The following GPR39 variants were observed in gnomAD, a reference collection of about 807,000 sequenced individuals.
The protein encoded by GPR39 is G protein-coupled receptor 39.
Under a neutral mutation model 18.4 loss-of-function variants are expected in GPR39, and 23 were observed. That is an observed-to-expected ratio of 1.25 (90% CI 0.90 to 1.77). The LOEUF is 1.77. Among genes scored for constraint, GPR39 ranks in the 40% most tolerant of loss-of-function variants. The pLI, the probability that GPR39 is intolerant of heterozygous loss-of-function variation, is 0.00. For missense variants in GPR39, 647 were observed against 602.4 expected, an observed-to-expected ratio of 1.07 and a Z score of -0.78; for synonymous variants, 280 against 257.9, an observed-to-expected ratio of 1.09 and a Z score of -0.82.
At chr2:132,528,520 C>T (rs902173726) in intron 1 of GPR39, among the ~76,000 whole-genome samples, 1 of 152,174 alleles carries the variant, frequency 6.6e-6, no homozygotes, top group South Asian at 2.1e-4. Context: ...TTACTTTGGG[C>T]AATATGGCCA....
chr2:132,523,726 TG>T (rs1280529902), intron 1 of GPR39: 1 of 152,354 alleles, frequency 6.6e-6, no homozygotes, highest in Non-Finnish European at 1.5e-5. Context: ...CTGCTCCATG[TG>T]CATCCCTCCT....
In GPR39 at chr2:132,417,707, C is replaced by A. The variant is rs1450219214; in HGVS notation, c.665C>A (p.Ser222Tyr). 2 of 1,614,084 alleles carry A rather than the reference C, an allele frequency of 1.2e-6. No individual in the cohort carries two copies. The highest frequency in any genetic ancestry group is 2.2e-5 in the East Asian group (1 of 44,886). Residue 222 changes from serine to tyrosine, a missense_variant, in exon 1 of 2, where the codon TCC (serine) becomes TAC (tyrosine). Around this residue, in one of 3 missense-constraint regions of GPR39, gnomAD observed 581 missense variants for 506.8 expected, o/e 1.15. Coordinates refer to ENST00000329321, the MANE Select transcript of GPR39 (RefSeq NM_001508.3). The stretch of plus-strand genomic sequence containing the variant: ...TCCAGCCGCTGGACCGTGTTCCAGT[C>A]CAGCATCTTCGGCGCCTTCGTGGTC... ...NLSSRWTVFQ[S>Y]SIFGAFVVYL... is the part of the protein sequence containing the mutation.
chr2:132,437,550 G>C (rs1333587900), intron 1 of GPR39, among the ~76,000 whole-genome samples: 4 of 152,148 alleles, frequency 2.6e-5, no homozygotes, highest in Non-Finnish European at 5.9e-5. Flanking sequence ...CCTGTGGGTT[G>C]GCGGGCAGAG....
intron 1 of GPR39, among the ~76,000 whole-genome samples, chr2:132,489,284 A>G (rs1322989367): frequency 6.6e-6 from 1 of 151,922 alleles, no homozygotes; most frequent in African/African-American, 2.4e-5. Context: ...CCTTTTCCCC[A>G]TTGGCAGGCG....
intron 1 of GPR39, among the ~76,000 whole-genome samples, chr2:132,556,274 A>G (rs1680150683): frequency 6.6e-6 from 1 of 152,186 alleles, no homozygotes; most frequent in Non-Finnish European, 1.5e-5. Context: ...TGGACAGCCT[A>G]AGTAGTGGTA....
At chr2:132,500,245 A>G in intron 1 of GPR39, among the ~76,000 whole-genome samples, 1 of 152,074 alleles carries the variant, frequency 6.6e-6, no homozygotes, top group Admixed American at 6.5e-5. Context: ...TTATTACCTT[A>G]AGGTATGTCC....
chr2:132,645,766 C>A lies in GPR39; in HGVS notation c.*160C>A, dbSNP rs545684836. On this transcript the variant is annotated 3_prime_UTR_variant, in exon 2 of 2. Transcript: ENST00000329321. Reference sequence around the variant, plus strand: ...CACCTCAGTGACTTCTAAGGACTGACTCTGCCAGCCTGGCCTTGACTCCGG... The same window carrying A: ...CACCTCAGTGACTTCTAAGGACTGAATCTGCCAGCCTGGCCTTGACTCCGG... The A allele has an allele frequency of 1.3e-3, 1,300 of 1,031,802 alleles. No homozygotes were observed. Among genetic ancestry groups the A allele is most frequent in the Non-Finnish European group, 1.6e-3 (1,178 of 729,160 alleles). 63.9% of individuals were successfully genotyped at this position (1,031,802 alleles called of 1,614,324 possible). A position where few individuals can be genotyped will look rare whatever the true frequency, so the allele number is the denominator to read the frequency against.
chr2:132,574,697 T>C (rs1680500617), intron 1 of GPR39, among the ~76,000 whole-genome samples: 1 of 152,216 alleles, frequency 6.6e-6, no homozygotes, highest in African/African-American at 2.4e-5. Context: ...ATCTTGCCAC[T>C]GCACTCTAGT....
intron 1 of GPR39, among the ~76,000 whole-genome samples, chr2:132,636,333 G>A (rs1681755670): frequency 6.6e-6 from 1 of 152,284 alleles, no homozygotes; most frequent in South Asian, 2.1e-4. Context: ...GCCAGGCCCT[G>A]GCTAGCCACT....
chr2:132,548,194 C>G (rs1679982723), intron 1 of GPR39, among the ~76,000 whole-genome samples: 1 of 152,324 alleles, frequency 6.6e-6, no homozygotes, highest in Non-Finnish European at 1.5e-5. Context: ...ATCATGTCTC[C>G]TTTTCAGCTG....
chr2:132,585,778 G>T (rs189650961), intron 1 of GPR39, among the ~76,000 whole-genome samples: 3 of 152,130 alleles, frequency 2.0e-5, no homozygotes, highest in Admixed American at 6.5e-5. Flanking sequence ...TGCCGCTTCA[G>T]ATTTGGAAAC....
intron 1 of GPR39, among the ~76,000 whole-genome samples, chr2:132,556,691 G>A (rs1386175539): frequency 6.6e-6 from 1 of 152,134 alleles, no homozygotes; most frequent in East Asian, 1.9e-4. Flanking sequence ...CATCTAAAAT[G>A]GACTTTTCAA....
intron 1 of GPR39, among the ~76,000 whole-genome samples, chr2:132,513,292 G>A (rs1157470399): frequency 1.6e-5 from 1 of 60,988 alleles, no homozygotes; most frequent in African/African-American, 4.4e-5. Context: ...TCTGCACCCC[G>A]TCTCTACTAA....
chr2:132,532,745 C>T (rs1463807382), intron 1 of GPR39, among the ~76,000 whole-genome samples: 2 of 152,158 alleles, frequency 1.3e-5, no homozygotes, highest in Non-Finnish European at 2.9e-5. Flanking sequence ...AGACAAAAAA[C>T]ACTTGATTAT....
intron 1 of GPR39, among the ~76,000 whole-genome samples, chr2:132,614,177 C>CTTT (rs113026250): frequency 0.16 from 23,808 of 146,706 alleles, 1,936 homozygotes; most frequent in Admixed American, 0.21. Context: ...AACTTGCTTG[C>CTTT]TTTTTTTTTT....
At chr2:132,473,824 A>G (rs983297139) in intron 1 of GPR39, among the ~76,000 whole-genome samples, 1 of 152,232 alleles carries the variant, frequency 6.6e-6, no homozygotes, top group Non-Finnish European at 1.5e-5. Context: ...CAGTTGTTAC[A>G]GGAATGCAGT....
intron 1 of GPR39, among the ~76,000 whole-genome samples, chr2:132,546,205 G>A (rs1679945681): frequency 6.6e-6 from 1 of 152,168 alleles, no homozygotes; most frequent in Non-Finnish European, 1.5e-5. Context: ...CCCAGGGCTT[G>A]TTCAACACAG....
At chr2:132,473,603 C>A (rs1247454902) in intron 1 of GPR39, among the ~76,000 whole-genome samples, 2 of 152,070 alleles carry the variant, frequency 1.3e-5, no homozygotes, top group Admixed American at 1.3e-4. Flanking sequence ...TATTCAGTAC[C>A]AGAGTCCATG....
At chr2:132,519,932 C>A (rs150139132) in intron 1 of GPR39, among the ~76,000 whole-genome samples, 3 of 152,294 alleles carry the variant, frequency 2.0e-5, no homozygotes, top group Non-Finnish European at 4.4e-5. Flanking sequence ...GCAAATGGGA[C>A]CCCATCACTC....
Sources: allele counts gnomAD v4.1 joint callset (sites outside exome capture counted in the v4.1 genomes callset), GRCh38; gene constraint gnomAD v4.1.1; regional missense constraint gnomAD v4.1.1; transcripts MANE v1.5; gene names NCBI Gene and HGNC (gene_info 2026-07-23, HGNC 2026-07-21).